The following TMEM108 variants were observed in gnomAD, a reference collection of about 807,000 sequenced individuals.
TMEM108 encodes the protein cancer/testis antigen 124.
TMEM108 carries 12 observed loss-of-function variants against 35.1 expected under a neutral mutation model. That is an observed-to-expected ratio of 0.34 (90% CI 0.22 to 0.55). The LOEUF (loss-of-function observed/expected upper bound fraction) is 0.55, where lower values mean the gene tolerates loss of function less well. Among genes scored for constraint, TMEM108 ranks in the 20% least tolerant of loss-of-function variants. TMEM108 has a pLI of 0.89. For missense variants in TMEM108, 680 were observed against 753.3 expected, an observed-to-expected ratio of 0.90 and a Z score of 1.14; for synonymous variants, 287 against 308.6, an observed-to-expected ratio of 0.93 and a Z score of 0.73.
rs1057300303 is a variant in TMEM108, at chr3:133,387,473, C to T, written c.1451-2707C>T. On this transcript the variant is annotated intron_variant, in intron 4 of 5. Transcript: ENST00000321871. ...GGAGCAGAACTTTCTGTTCTGACTC[C>T]CAGGCCTTCCCGCAGGGCAGGATCT... 2.4e-5 allele frequency: 24 copies of T among 985,426 alleles called. No individual in the cohort carries two copies. In the South Asian group the frequency reaches 1.1e-3, roughly 46 times the overall value. The allele number at this position is 985,426 out of a possible 1,614,324, so 61.0% of individuals were successfully genotyped here.
At chr3:133,198,542 C>T (rs1311965869) in intron 2 of TMEM108, among the ~76,000 whole-genome samples, 2 of 152,154 alleles carry the variant, frequency 1.3e-5, no homozygotes, top group East Asian at 1.9e-4. Context: ...TGCACCTGGT[C>T]GTTTGGATAA....
intron 2 of TMEM108, among the ~76,000 whole-genome samples, chr3:133,133,615 A>G (rs1944521765): frequency 6.6e-6 from 1 of 151,960 alleles, no homozygotes; most frequent in African/African-American, 2.4e-5. Context: ...TATTCACTTA[A>G]CATAATGCCC....
intron 2 of TMEM108, among the ~76,000 whole-genome samples, chr3:133,112,621 T>A (rs1464038070): frequency 1.3e-5 from 2 of 152,190 alleles, no homozygotes; most frequent in Non-Finnish European, 2.9e-5. Context: ...ACATGGTGAT[T>A]GGTCAGACAA....
At chr3:133,163,406 C>T (rs1944989391) in intron 2 of TMEM108, among the ~76,000 whole-genome samples, 1 of 152,190 alleles carries the variant, frequency 6.6e-6, no homozygotes, top group Non-Finnish European at 1.5e-5. Flanking sequence ...GTCCAACCAA[C>T]TTATGCCACT....
rs11309146 is a variant in TMEM108, at chr3:133,185,784, C to CTTTT, written c.-46-43470_-46-43467dup. ...CGTTTCTTTTCTTTTCTTTTCTTTT[C>CTTTT]TTTTTTTTTTTTTTTGAGACAGAGT... On this transcript the variant is annotated intron_variant, in intron 2 of 5. Transcript: ENST00000321871. Among the ~76,000 whole-genome samples, 117 of 127,120 alleles carry CTTTT rather than the reference C, an allele frequency of 9.2e-4. 2 individuals are homozygous for CTTTT. Among genetic ancestry groups the CTTTT allele is most frequent in the African/African-American group, 1.7e-3 (58 of 35,140 alleles). The allele number at this position is 127,120 out of a possible 152,430, so 83.4% of individuals were successfully genotyped here.
chr3:133,076,827 G>A (rs1256352496), intron 2 of TMEM108, among the ~76,000 whole-genome samples: 3 of 152,186 alleles, frequency 2.0e-5, no homozygotes, highest in Non-Finnish European at 2.9e-5. Flanking sequence ...TTTGGGTTGC[G>A]CCACCTTTAC....
chr3:133,339,842 C>T (rs546471201), intron 3 of TMEM108, among the ~76,000 whole-genome samples: 1 of 151,880 alleles, frequency 6.6e-6, no homozygotes, highest in East Asian at 1.9e-4. Context: ...CATTATGCCT[C>T]CTGAATGACC....
intron 3 of TMEM108, among the ~76,000 whole-genome samples, chr3:133,270,794 T>TACACACACACAC (rs71624011): frequency 6.7e-6 from 1 of 148,680 alleles, no homozygotes; most frequent in African/African-American, 2.5e-5. Context: ...TCGAAGAATG[T>TACACACACACAC]ACACACACAC....
At chr3:133,261,338 A>T (rs181641192) in intron 3 of TMEM108, among the ~76,000 whole-genome samples, 10 of 152,322 alleles carry the variant, frequency 6.6e-5, no homozygotes, top group East Asian at 3.9e-4. Flanking sequence ...AAGTTAGTTG[A>T]TGTCTGCAAT....
At chr3:133,060,536 C>G (rs1943523421) in intron 2 of TMEM108, among the ~76,000 whole-genome samples, 1 of 151,958 alleles carries the variant, frequency 6.6e-6, no homozygotes, top group Non-Finnish European at 1.5e-5. Flanking sequence ...GTTTGTATAC[C>G]CCCCAAATTC....
intron 1 of TMEM108, among the ~76,000 whole-genome samples, chr3:133,044,985 T>TTTTTTTG: frequency 6.6e-6 from 1 of 151,790 alleles, no homozygotes. Context: ...CTTTTTTTTT[T>TTTTTTTG]GAGACGGAGT....
chr3:133,164,469 G>A (rs1274225611), intron 2 of TMEM108, among the ~76,000 whole-genome samples: 1 of 152,186 alleles, frequency 6.6e-6, no homozygotes, highest in Non-Finnish European at 1.5e-5. Flanking sequence ...TTGTATTGGA[G>A]CTGGAATGGC....
At chr3:133,188,371 A>G (rs1449822887) in intron 2 of TMEM108, among the ~76,000 whole-genome samples, 1 of 149,996 alleles carries the variant, frequency 6.7e-6, no homozygotes, top group African/African-American at 2.5e-5. Flanking sequence ...CTGAAATGAC[A>G]TTTGTGGGTG....
chr3:133,287,913 T>C (rs1947007636), intron 3 of TMEM108, among the ~76,000 whole-genome samples: 1 of 152,172 alleles, frequency 6.6e-6, no homozygotes, highest in South Asian at 2.1e-4. Flanking sequence ...TGCTGTAGCA[T>C]AAAAATCAAA....
chr3:133,103,588 T>TA (rs895381935), intron 2 of TMEM108, among the ~76,000 whole-genome samples: 2 of 151,196 alleles, frequency 1.3e-5, no homozygotes, highest in East Asian at 1.9e-4. Context: ...AAATAGAAGT[T>TA]AAAAAAAAAT....
intron 3 of TMEM108, among the ~76,000 whole-genome samples, chr3:133,354,021 C>T (rs546627275): frequency 6.6e-6 from 1 of 152,300 alleles, no homozygotes; most frequent in Admixed American, 6.5e-5. Context: ...GCAGGGTGAG[C>T]AGCATGGACT....
chr3:133,233,860 A>G (rs1297678292), intron 3 of TMEM108, among the ~76,000 whole-genome samples: 1 of 151,616 alleles, frequency 6.6e-6, no homozygotes, highest in Non-Finnish European at 1.5e-5. Flanking sequence ...GTCTGTTCAT[A>G]TCCTTTGCCC....
intron 2 of TMEM108, among the ~76,000 whole-genome samples, chr3:133,072,526 T>C (rs2107690384): frequency 6.6e-6 from 1 of 152,170 alleles, no homozygotes; most frequent in East Asian, 1.9e-4. Flanking sequence ...CCACATTTAA[T>C]GTAGAAAAAG....
chr3:133,261,961 T>G (rs1946631474), intron 3 of TMEM108, among the ~76,000 whole-genome samples: 1 of 152,232 alleles, frequency 6.6e-6, no homozygotes, highest in South Asian at 2.1e-4. Flanking sequence ...ATTCTGGCAT[T>G]GGTCATAAAG....
Sources: gnomAD v4.1 joint callset for allele counts (sites outside exome capture counted in the v4.1 genomes callset) on GRCh38, gnomAD v4.1.1 for gene constraint, MANE v1.5 for transcripts, NCBI Gene and HGNC (gene_info 2026-07-23, HGNC 2026-07-21) for gene names.